The following RORB variants were observed in gnomAD, a reference collection of about 807,000 sequenced individuals.
RORB encodes RAR related orphan receptor B.
Under a neutral mutation model 59.1 loss-of-function variants are expected in RORB, and 6 were observed. That is an observed-to-expected ratio of 0.10 (90% confidence interval 0.06 to 0.20). The LOEUF (loss-of-function observed/expected upper bound fraction) is 0.20. Ranked by LOEUF, RORB falls within the 10% of genes least tolerant of loss-of-function variation. The pLI, the probability that RORB is intolerant of heterozygous loss-of-function variation, is 1.00. For missense variants in RORB, 320 were observed against 560.5 expected, an observed-to-expected ratio of 0.57 and a Z score of 4.33; for synonymous variants, 215 against 204.5, an observed-to-expected ratio of 1.05 and a Z score of -0.44.
At position 74,620,889 on chromosome 9, in the gene RORB, T is replaced by A. The variant is rs187177245; in HGVS notation, c.8-9393T>A. ...TTGTTCTTAAAGTACTCCTTACTTGTCTTTGCTGGACCCTCTCAGATGCTC... is the reference window on the plus strand; with the variant it reads ...TTGTTCTTAAAGTACTCCTTACTTGACTTTGCTGGACCCTCTCAGATGCTC... On this transcript the variant is annotated intron_variant, in intron 1 of 9. Coordinates refer to ENST00000376896, the MANE Select transcript of RORB (RefSeq NM_006914.4). Among the ~76,000 whole-genome samples the A allele has an allele frequency of 5.6e-4, 86 of 152,340 alleles. 2 individuals are homozygous for A. In the East Asian group the frequency reaches 0.013, roughly 24 times the overall value.
chr9:74,509,050 C>A (rs1268381729), intron 1 of RORB, among the ~76,000 whole-genome samples: 15 of 151,974 alleles, frequency 9.9e-5, no homozygotes, highest in Non-Finnish European at 5.9e-5. Flanking sequence ...TAAGATAAAA[C>A]TTGTTACCAC....
intron 9 of RORB, among the ~76,000 whole-genome samples, chr9:74,684,245 A>C (rs1824597612): frequency 6.6e-6 from 1 of 152,208 alleles, no homozygotes; most frequent in Non-Finnish European, 1.5e-5. Context: ...AAAAACCACA[A>C]GGCAACTAAT....
chr9:74,503,899 A>T (rs1825835123), intron 1 of RORB, among the ~76,000 whole-genome samples: 2 of 152,062 alleles, frequency 1.3e-5, no homozygotes, highest in South Asian at 4.1e-4. Context: ...CCATCCATTC[A>T]ATTCTTAATG....
intron 1 of RORB, among the ~76,000 whole-genome samples, chr9:74,602,787 A>G (rs1365273030): frequency 6.6e-6 from 1 of 152,236 alleles, no homozygotes. Flanking sequence ...GGTTTCATTT[A>G]TAAATGGTGA....
At chr9:74,622,935 C>T (rs1213168709) in intron 1 of RORB, among the ~76,000 whole-genome samples, 1 of 152,104 alleles carries the variant, frequency 6.6e-6, no homozygotes, top group African/African-American at 2.4e-5. Flanking sequence ...GTCAGCAAGT[C>T]TCAGGACAGC....
intron 1 of RORB, among the ~76,000 whole-genome samples, chr9:74,510,239 A>G (rs1230297053): frequency 1.3e-5 from 2 of 152,142 alleles, no homozygotes; most frequent in Non-Finnish European, 2.9e-5. Flanking sequence ...ATGAGCCACA[A>G]TGGGTTTCTT....
chr9:74,586,711 T>C (rs1237266395), intron 1 of RORB, among the ~76,000 whole-genome samples: 2 of 151,744 alleles, frequency 1.3e-5, no homozygotes, highest in Non-Finnish European at 2.9e-5. Context: ...AAAGTTGGAA[T>C]ATTTTCTCTA....
chr9:74,610,994 T>A (rs1823224463), intron 1 of RORB, among the ~76,000 whole-genome samples: 1 of 152,154 alleles, frequency 6.6e-6, no homozygotes, highest in African/African-American at 2.4e-5. Flanking sequence ...TTTAATGACA[T>A]TTCTTCTATT....
intron 1 of RORB, among the ~76,000 whole-genome samples, chr9:74,537,369 T>A (rs1441880135): frequency 6.6e-6 from 1 of 152,028 alleles, no homozygotes; most frequent in Admixed American, 6.6e-5. Flanking sequence ...TTAAACTTTT[T>A]ATTTTTTTCT....
chr9:74,645,714 C>T (rs1338102448), intron 4 of RORB, among the ~76,000 whole-genome samples: 2 of 152,094 alleles, frequency 1.3e-5, no homozygotes, highest in Non-Finnish European at 2.9e-5. Flanking sequence ...TCATAACAAT[C>T]CCATTATGCC....
intron 1 of RORB, among the ~76,000 whole-genome samples, chr9:74,609,320 C>T (rs1823198647): frequency 6.6e-6 from 1 of 152,192 alleles, no homozygotes; most frequent in Non-Finnish European, 1.5e-5. Flanking sequence ...CTAATGCTGA[C>T]ACATCCTTTC....
At chr9:74,661,183 T>TA (rs1417824300) in intron 5 of RORB, among the ~76,000 whole-genome samples, 2 of 152,220 alleles carry the variant, frequency 1.3e-5, no homozygotes, top group Non-Finnish European at 1.5e-5. Context: ...CCCTGCATGT[T>TA]AAAAAGAATC....
chr9:74,542,905 G>A (rs1448370170), intron 1 of RORB, among the ~76,000 whole-genome samples: 5 of 152,142 alleles, frequency 3.3e-5, no homozygotes, highest in African/African-American at 4.8e-5. Flanking sequence ...GCCAGGCAAC[G>A]TACTTAAGCC....
At chr9:74,579,035 T>C (rs1052024826) in intron 1 of RORB, among the ~76,000 whole-genome samples, 3 of 152,176 alleles carry the variant, frequency 2.0e-5, no homozygotes, top group Non-Finnish European at 2.9e-5. Context: ...CTAGTGTTTA[T>C]ACTCTATTAA....
chr9:74,555,771 C>T (rs1429104935), intron 1 of RORB, among the ~76,000 whole-genome samples: 1 of 152,192 alleles, frequency 6.6e-6, no homozygotes, highest in Non-Finnish European at 1.5e-5. Context: ...AATAATGTTT[C>T]ATTCCACTGC....
In RORB at chr9:74,689,800, A is replaced by C. The variant is rs1365911582; in HGVS notation, c.*4182A>C. 3 of 152,236 alleles carry C rather than the reference A, an allele frequency of 2.0e-5. No individual in the cohort carries two copies. Among genetic ancestry groups the C allele is most frequent in the Non-Finnish European group, 4.4e-5 (3 of 68,034 alleles). The allele number at this position is 152,236 out of a possible 1,614,324, so 9.4% of individuals were successfully genotyped here. Reference sequence around the variant, plus strand: ...AAGGCAAAAACAATTCTTGGGTCCCAAGGACAACCTAAAACTTACCAGCTT... The same window carrying C: ...AAGGCAAAAACAATTCTTGGGTCCCCAGGACAACCTAAAACTTACCAGCTT... On this transcript the variant is annotated 3_prime_UTR_variant, in exon 10 of 10. Transcript: ENST00000376896.
intron 1 of RORB, among the ~76,000 whole-genome samples, chr9:74,512,747 G>T (rs1040416075): frequency 1.2e-4 from 19 of 152,012 alleles, no homozygotes; most frequent in African/African-American, 4.6e-4. Context: ...ATCACTTTAG[G>T]ATCCTCAGTT....
At chr9:74,619,885 T>C (rs1377184100) in intron 1 of RORB, among the ~76,000 whole-genome samples, 8 of 152,350 alleles carry the variant, frequency 5.3e-5, no homozygotes, top group African/African-American at 1.4e-4. Context: ...ATCCCAGGGA[T>C]GAAGCCAACT....
rs1824658452 is a variant in RORB, at chr9:74,686,974, G to T, written c.*1356G>T. ...ACAGTTACATCATCCATTTACCCTA[G>T]AATTATTTTTTTAGCAACTTTTAGA... On this transcript the variant is annotated 3_prime_UTR_variant, in exon 10 of 10. Transcript: ENST00000376896. 1 of 152,058 alleles carries T rather than the reference G, an allele frequency of 6.6e-6. No homozygotes were observed. Among genetic ancestry groups the T allele is most frequent in the South Asian group, 2.1e-4 (1 of 4,832 alleles). 9.4% of individuals were successfully genotyped at this position (152,058 alleles called of 1,614,324 possible).
Sources: gnomAD v4.1 joint callset for allele counts (sites outside exome capture counted in the v4.1 genomes callset) on GRCh38, gnomAD v4.1.1 for gene constraint, MANE v1.5 for transcripts, NCBI Gene and HGNC (gene_info 2026-07-23, HGNC 2026-07-21) for gene names.